The following KYNU variants were observed in gnomAD, a reference collection of about 807,000 sequenced individuals.
KYNU encodes the protein kynureninase.
KYNU carries 54 observed loss-of-function variants against 59.2 expected under a neutral mutation model. The observed-to-expected ratio is 0.91, with a 90% CI of 0.73 to 1.14. The LOEUF (loss-of-function observed/expected upper bound fraction) is 1.14. Ranked by LOEUF, KYNU falls within the 50% of genes most tolerant of loss-of-function variation. The pLI is 0.00. For synonymous variants in KYNU, 177 were observed against 192.0 expected (o/e 0.92, Z 0.65); for missense variants, 567 against 554.4 (o/e 1.02, Z -0.23).
intron 10 of KYNU, among the ~76,000 whole-genome samples, chr2:143,011,986 C>T (rs58385042): frequency 5.5e-4 from 80 of 146,544 alleles, no homozygotes; most frequent in African/African-American, 1.9e-3. Context: ...GTGGGTGCAG[C>T]GCACCAGCAT....
At chr2:142,913,390 G>T (rs567504038) in intron 2 of KYNU, among the ~76,000 whole-genome samples, 1 of 152,024 alleles carries the variant, frequency 6.6e-6, no homozygotes, top group Non-Finnish European at 1.5e-5. Flanking sequence ...CATGTTGGTT[G>T]TGTCTCTGTT....
chr2:142,901,088 G>A, intron 2 of KYNU, among the ~76,000 whole-genome samples: 1 of 150,872 alleles, frequency 6.6e-6, no homozygotes, highest in Non-Finnish European at 1.5e-5. Context: ...GGATTGAAAT[G>A]TATGGCCTGC....
chr2:142,901,052 C>CAAA (rs34574070), intron 2 of KYNU, among the ~76,000 whole-genome samples: 2 of 116,512 alleles, frequency 1.7e-5, no homozygotes, highest in Admixed American at 8.9e-5. Flanking sequence ...GACTCCATCT[C>CAAA]AAAAAAAAAA....
At chr2:143,013,298 C>CTCTCTGTGTG (rs72349700) in intron 10 of KYNU, among the ~76,000 whole-genome samples, 1 of 149,468 alleles carries the variant, frequency 6.7e-6, no homozygotes, top group African/African-American at 2.5e-5. Context: ...GTCTCTTTCT[C>CTCTCTGTGTG]TGTGTGTGTG....
At chr2:142,956,853 C>T (rs1684179902) in intron 6 of KYNU, among the ~76,000 whole-genome samples, 1 of 151,974 alleles carries the variant, frequency 6.6e-6, no homozygotes, top group South Asian at 2.1e-4. Context: ...AATAAAAGTA[C>T]AATGTAAGTC....
chr2:142,916,113 G>A (rs1372255150), intron 2 of KYNU, among the ~76,000 whole-genome samples: 1 of 152,090 alleles, frequency 6.6e-6, no homozygotes, highest in African/African-American at 2.4e-5. Context: ...CTGCAAAATT[G>A]TAAGACAATA....
chr2:142,967,819 A>G (rs1390894140), intron 8 of KYNU, among the ~76,000 whole-genome samples: 2 of 152,092 alleles, frequency 1.3e-5, no homozygotes, highest in Non-Finnish European at 1.5e-5. Context: ...TTATAATAGA[A>G]TAATATCTCT....
At chr2:142,970,072 A>G (rs1303369000) in intron 8 of KYNU, among the ~76,000 whole-genome samples, 8 of 152,342 alleles carry the variant, frequency 5.3e-5, no homozygotes, top group African/African-American at 1.9e-4. Context: ...TGGAATTCCA[A>G]AAGATCTTTG....
Position 143,055,129 on chromosome 2 carries a change from T to G in KYNU, c.*12957T>G, listed in dbSNP as rs890949357. ...GATGACAAACTAAAAAGGTGTAGTA[T>G]TCTTCTATGGCTGCTATAACAAATG... is the stretch of plus-strand genomic sequence containing the variant. On this transcript the variant is annotated 3_prime_UTR_variant, in exon 14 of 14. Coordinates refer to ENST00000264170, the MANE Select transcript of KYNU (RefSeq NM_003937.3). The G allele has an allele frequency of 6.6e-6, 1 of 152,164 alleles. No individual in the cohort carries two copies. The highest frequency in any genetic ancestry group is 1.5e-5 in the Non-Finnish European group (1 of 68,020). 9.4% of individuals were successfully genotyped at this position (152,164 alleles called of 1,614,324 possible).
Position 143,032,711 on chromosome 2 carries a change from T to TTTGTGTGTGTGTG in KYNU, c.956-524_956-523insTGTGTGTGTGTGT, listed in dbSNP as rs1553491691. ...GATCTTTTTTTTAAAGCTCCCTCTA[T>TTTGTGTGTGTGTG]TGTGTGTGTGTGTGTGTGTGTGTGT... On this transcript the variant is annotated intron_variant, in intron 11 of 13. Coordinates refer to ENST00000264170, the MANE Select transcript of KYNU (RefSeq NM_003937.3). 7.0e-5 allele frequency among the ~76,000 whole-genome samples: 9 copies of TTTGTGTGTGTGTG among 129,454 alleles called. No homozygotes were observed. The East Asian group carries it at 8.8e-4, about 13-fold the overall frequency. 84.9% of individuals were successfully genotyped at this position (129,454 alleles called of 152,430 possible).
chr2:142,950,255 A>G (rs1683942813), intron 4 of KYNU, among the ~76,000 whole-genome samples: 1 of 152,180 alleles, frequency 6.6e-6, no homozygotes, highest in South Asian at 2.1e-4. Flanking sequence ...TCTGCATGTT[A>G]CCCAGTTCCA....
intron 8 of KYNU, among the ~76,000 whole-genome samples, chr2:142,976,203 T>C (rs1558954746): frequency 2.0e-5 from 3 of 152,192 alleles, no homozygotes; most frequent in African/African-American, 7.2e-5. Flanking sequence ...ACCGAAGCCA[T>C]GCTGCTGGGG....
intron 4 of KYNU, among the ~76,000 whole-genome samples, chr2:142,938,043 A>G (rs1391916181): frequency 2.6e-5 from 4 of 152,094 alleles, no homozygotes; most frequent in African/African-American, 9.7e-5. Flanking sequence ...GGACTTCGGT[A>G]ATTTTTTTTT....
In KYNU at chr2:142,956,281, A is replaced by G. The variant is rs1360663364; in HGVS notation, c.507+7A>G. 1.9e-6 allele frequency: 3 copies of G among 1,556,694 alleles called. No homozygotes were observed. In the African/African-American group the frequency reaches 4.1e-5, roughly 21 times the overall value. ...AGCCTTCCCTTCTGATCATGTAAGG[A>G]CTTCTTCAAATTGTATTTATGTTCT... On this transcript the variant is annotated splice_region_variant and intron_variant, in intron 6 of 13. Transcript: ENST00000264170.
chr2:142,916,600 A>G (rs1416660041), intron 2 of KYNU, among the ~76,000 whole-genome samples: 1 of 152,204 alleles, frequency 6.6e-6, no homozygotes, highest in Non-Finnish European at 1.5e-5. Context: ...AACCCACAGG[A>G]TCCCCAGATC....
chr2:142,939,423 G>C (rs961452835), intron 4 of KYNU, among the ~76,000 whole-genome samples: 15 of 151,776 alleles, frequency 9.9e-5, no homozygotes, highest in Admixed American at 9.8e-4. Flanking sequence ...CCAACATGGT[G>C]AAACGCTGTC....
Position 143,045,167 on chromosome 2 carries a change from C to A in KYNU, c.*2995C>A, listed in dbSNP as rs753242676. ...TAAATGTGTGGTGTTATTTCTGAGG[C>A]CTCTGTTTTGTTCCATTGGTCTATA... On this transcript the variant is annotated 3_prime_UTR_variant, in exon 14 of 14. Transcript: ENST00000264170. 1.3e-5 allele frequency: 2 copies of A among 151,856 alleles called. No individual in the cohort carries two copies. Among genetic ancestry groups the A allele is most frequent in the Non-Finnish European group, 2.9e-5 (2 of 67,916 alleles). The allele number at this position is 151,856 out of a possible 1,614,324, so 9.4% of individuals were successfully genotyped here.
intron 2 of KYNU, among the ~76,000 whole-genome samples, chr2:142,901,255 A>G (rs1682075401): frequency 1.3e-5 from 2 of 151,868 alleles, no homozygotes; most frequent in South Asian, 4.2e-4. Context: ...AGTAATTTCT[A>G]TTGTTTAGTT....
chr2:142,971,356 C>T (rs957464540), intron 8 of KYNU: 3 of 151,824 alleles, frequency 2.0e-5, no homozygotes, highest in African/African-American at 7.3e-5. Flanking sequence ...GATATTCTTA[C>T]AATGAAGTGT....
Sources: allele counts gnomAD v4.1 joint callset (sites outside exome capture counted in the v4.1 genomes callset), GRCh38; gene constraint gnomAD v4.1.1; transcripts MANE v1.5; gene names NCBI Gene and HGNC (gene_info 2026-07-23, HGNC 2026-07-21).